NKAIN3: variants seen among roughly 807,000 people sequenced by gnomAD.
NKAIN3 encodes sodium/potassium-transporting ATPase subunit beta-1-interacting protein 3.
NKAIN3 carries 25 observed loss-of-function variants against 30.2 expected under a neutral mutation model. That is an observed-to-expected ratio of 0.83 (90% CI 0.60 to 1.16). The LOEUF (loss-of-function observed/expected upper bound fraction) is 1.16. NKAIN3 is among the 50% of genes most tolerant of loss of function. The probability of loss-of-function intolerance (pLI) is 0.00; values close to 1 mark genes in which losing one functional copy is unlikely to be tolerated. For synonymous variants in NKAIN3, 91 were observed against 89.6 expected (o/e 1.02, Z -0.09); for missense variants, 225 against 254.1 (o/e 0.89, Z 0.78).
intron 1 of NKAIN3, among the ~76,000 whole-genome samples, chr8:62,447,077 G>A (rs1024625245): frequency 4.6e-5 from 7 of 151,962 alleles, no homozygotes; most frequent in Admixed American, 3.3e-4. Flanking sequence ...GTAAGTATCC[G>A]TTATAGAGTG....
Position 62,249,108 on chromosome 8 carries a change from G to T in NKAIN3, c.35G>T (p.Cys12Phe). ...GCCTGRCSLI[C>F]LCALQLVSAL... is the part of the protein sequence containing the mutation. ...TGCACCGGACGCTGCTCGCTCATCTGCCTCTGCGCGCTGCAGTTGGTGAGT... is the reference window on the plus strand; with the variant it reads ...TGCACCGGACGCTGCTCGCTCATCTTCCTCTGCGCGCTGCAGTTGGTGAGT... The change falls in exon 1 of 7, where the codon TGC becomes TTC. Residue 12 changes from cysteine to phenylalanine, a missense_variant. Coordinates refer to ENST00000623646, the MANE Select transcript of NKAIN3 (RefSeq NM_001304533.3). 6.5e-7 allele frequency: 1 copy of T among 1,538,592 alleles called. No homozygotes were observed.
chr8:62,742,754 A>G (rs1032179543), intron 3 of NKAIN3, among the ~76,000 whole-genome samples: 2 of 152,210 alleles, frequency 1.3e-5, no homozygotes, highest in Non-Finnish European at 2.9e-5. Flanking sequence ...TTTATGGTTT[A>G]GCATTAACCC....
chr8:62,810,816 A>T (rs1818462675), intron 4 of NKAIN3, among the ~76,000 whole-genome samples: 1 of 152,018 alleles, frequency 6.6e-6, no homozygotes. Context: ...ATTTCTTCCT[A>T]ATCTTTAAAT....
rs1811753814 is a variant in NKAIN3, at chr8:62,625,154, A to G, written c.273+35360A>G. On this transcript the variant is annotated intron_variant, in intron 3 of 6. Coordinates refer to ENST00000623646, the MANE Select transcript of NKAIN3 (RefSeq NM_001304533.3). ...TTTCTTGCCTTCTAGCATTTGTTAT[A>G]ACTTTTGGTTAAAAGATAGACATTA... Among the ~76,000 whole-genome samples the G allele has an allele frequency of 2.0e-5, 3 of 152,122 alleles. No individual in the cohort carries two copies. The South Asian group carries it at 6.2e-4, about 32-fold the overall frequency.
chr8:62,570,744 T>C (rs914360638), intron 1 of NKAIN3, among the ~76,000 whole-genome samples: 2 of 152,042 alleles, frequency 1.3e-5, no homozygotes, highest in Non-Finnish European at 2.9e-5. Context: ...CTCTGGTCCC[T>C]CCAAATCTCA....
At chr8:62,443,652 G>A (rs1018165104) in intron 1 of NKAIN3, among the ~76,000 whole-genome samples, 2 of 152,016 alleles carry the variant, frequency 1.3e-5, no homozygotes, top group Non-Finnish European at 2.9e-5. Flanking sequence ...CAAAGTGCTG[G>A]GATTTATTGG....
chr8:62,989,605 T>G (rs953659202), downstream of NKAIN3, among the ~76,000 whole-genome samples: 3 of 152,030 alleles, frequency 2.0e-5, no homozygotes, highest in Admixed American at 2.0e-4. Flanking sequence ...GAGATTTGGG[T>G]GGGGACACAG....
At chr8:62,741,397 AGG>A (rs1449663395) in intron 3 of NKAIN3, among the ~76,000 whole-genome samples, 3 of 147,540 alleles carry the variant, frequency 2.0e-5, no homozygotes, top group South Asian at 2.1e-4. Context: ...GAAGGAAGGA[AGG>A]AAGGAAGGAA....
At chr8:62,655,400 G>A (rs1361465097) in intron 3 of NKAIN3, among the ~76,000 whole-genome samples, 3 of 152,132 alleles carry the variant, frequency 2.0e-5, no homozygotes, top group African/African-American at 4.8e-5. Flanking sequence ...TTCCAGGATA[G>A]AGAATAGATT....
chr8:62,369,747 C>A (rs1188972709), intron 1 of NKAIN3, among the ~76,000 whole-genome samples: 1 of 151,710 alleles, frequency 6.6e-6, no homozygotes, highest in African/African-American at 2.4e-5. Flanking sequence ...TATTTGAACT[C>A]CCCCCAAGTC....
At chr8:62,836,349 A>G (rs981450302) in intron 4 of NKAIN3, among the ~76,000 whole-genome samples, 6 of 152,054 alleles carry the variant, frequency 3.9e-5, no homozygotes, top group Non-Finnish European at 8.8e-5. Flanking sequence ...TTTTAAAAAA[A>G]TTTCCACTCA....
chr8:62,892,402 A>T (rs542010387), intron 4 of NKAIN3, among the ~76,000 whole-genome samples: 4 of 152,324 alleles, frequency 2.6e-5, no homozygotes, highest in South Asian at 2.1e-4. Flanking sequence ...AGACATTTTT[A>T]AAATTGTCGT....
downstream of NKAIN3, among the ~76,000 whole-genome samples, chr8:62,988,221 C>A (rs1033068248): frequency 2.6e-5 from 4 of 152,166 alleles, no homozygotes; most frequent in African/African-American, 9.6e-5. Context: ...GTGTCTATGG[C>A]TTTTCCAGAT....
intron 3 of NKAIN3, among the ~76,000 whole-genome samples, chr8:62,712,239 A>G (rs1814747672): frequency 6.6e-6 from 1 of 152,176 alleles, no homozygotes; most frequent in South Asian, 2.1e-4. Flanking sequence ...GGCACTTTCC[A>G]GAGAATATCA....
intron 3 of NKAIN3, among the ~76,000 whole-genome samples, chr8:62,657,217 C>T (rs992212650): frequency 9.9e-5 from 15 of 152,138 alleles, no homozygotes; most frequent in Admixed American, 6.5e-4. Flanking sequence ...GCCCAAAATA[C>T]GTTTTTCAAT....
rs758860569 is a variant in NKAIN3, at chr8:62,979,652, G to A, written c.*14245G>A. Reference sequence around the variant, plus strand: ...AGCAATTCCATTTGCCCCGTTTTCAGATGAGGAGATTGAGGCTGGTAGTTA... The same window carrying A: ...AGCAATTCCATTTGCCCCGTTTTCAAATGAGGAGATTGAGGCTGGTAGTTA... On this transcript the variant is annotated 3_prime_UTR_variant, in exon 7 of 7. Transcript: ENST00000623646. 8.5e-5 allele frequency: 13 copies of A among 152,238 alleles called. No homozygotes were observed. Among genetic ancestry groups the A allele is most frequent in the Middle Eastern group, 3.2e-3 (1 of 316 alleles). The allele number at this position is 152,238 out of a possible 1,614,324, so 9.4% of individuals were successfully genotyped here.
intron 1 of NKAIN3, among the ~76,000 whole-genome samples, chr8:62,492,954 G>C (rs1353300257): frequency 6.6e-6 from 1 of 152,090 alleles, no homozygotes; most frequent in African/African-American, 2.4e-5. Context: ...ACCTTTGTCA[G>C]ATGCGTAGTT....
intron 1 of NKAIN3, among the ~76,000 whole-genome samples, chr8:62,488,450 AG>A (rs1286044223): frequency 1.3e-5 from 2 of 152,206 alleles, no homozygotes; most frequent in African/African-American, 4.8e-5. Context: ...CATCCCTAAT[AG>A]GCAGCAAGCT....
intron 4 of NKAIN3, among the ~76,000 whole-genome samples, chr8:62,772,912 C>G (rs10097961): frequency 0.88 from 134,679 of 152,202 alleles, 59,724 homozygotes; most frequent in African/African-American, 0.91. Context: ...ACCCACCTCA[C>G]CCTCCCAAAG....
Sources: gnomAD v4.1 joint callset for allele counts (sites outside exome capture counted in the v4.1 genomes callset) on GRCh38, gnomAD v4.1.1 for gene constraint, MANE v1.5 for transcripts, NCBI Gene and HGNC (gene_info 2026-07-23, HGNC 2026-07-21) for gene names.